The following MAGI2 variants were observed in gnomAD, a reference collection of about 807,000 sequenced individuals.
MAGI2 encodes membrane associated guanylate kinase, WW and PDZ domain containing 2.
In MAGI2, 35 loss-of-function variants were observed where a neutral mutation model predicts 133.3. That is an observed-to-expected ratio of 0.26 (90% CI 0.20 to 0.35). The LOEUF (loss-of-function observed/expected upper bound fraction) is 0.35, where lower values mean the gene tolerates loss of function less well. Ranked by LOEUF, MAGI2 falls within the 10% of genes least tolerant of loss-of-function variation. MAGI2 has a pLI of 1.00. For synonymous variants in MAGI2, 729 were observed against 710.6 expected, an observed-to-expected ratio of 1.03 and a Z score of -0.41; for missense variants, 1,636 against 1,863.4, an observed-to-expected ratio of 0.88 and a Z score of 2.25.
intron 1 of MAGI2, among the ~76,000 whole-genome samples, chr7:79,216,177 A>C (rs951721309): frequency 6.6e-6 from 1 of 151,934 alleles, no homozygotes; most frequent in African/African-American, 2.4e-5. Context: ...AAGAGATGGA[A>C]TGTCTGAATG....
intron 8 of MAGI2, among the ~76,000 whole-genome samples, chr7:78,344,259 T>C (rs1222617082): frequency 2.0e-5 from 3 of 152,124 alleles, no homozygotes; most frequent in South Asian, 4.1e-4. Context: ...AAAGGCTGTG[T>C]CAACAGGCTG....
intron 2 of MAGI2, among the ~76,000 whole-genome samples, chr7:78,815,017 C>T (rs374860195): frequency 1.3e-5 from 2 of 152,160 alleles, no homozygotes; most frequent in African/African-American, 4.8e-5. Flanking sequence ...TGAGAGCCAC[C>T]ACACCCAGCC....
rs547527446 is a variant in MAGI2, at chr7:78,382,234, G to T, written c.1046-13021C>A. 1.1e-3 allele frequency among the ~76,000 whole-genome samples: 173 copies of T among 152,058 alleles called. 1 individual carries two copies. The highest frequency in any genetic ancestry group is 2.0e-3 in the Non-Finnish European group (139 of 67,946). ...ACAGGAAGAAGAGCCACAAACTAAA[G>T]AAACTACTTAACTATAAGAGGTGGT... On this transcript the variant is annotated intron_variant, in intron 6 of 21. Transcript: ENST00000354212.
intron 10 of MAGI2, among the ~76,000 whole-genome samples, chr7:78,239,237 C>T (rs544089449): frequency 2.6e-5 from 4 of 152,252 alleles, no homozygotes; most frequent in African/African-American, 7.2e-5. Flanking sequence ...GATTATATCT[C>T]TCACCATATA....
chr7:79,000,629 T>C (rs1806764131), intron 2 of MAGI2, among the ~76,000 whole-genome samples: 1 of 152,196 alleles, frequency 6.6e-6, no homozygotes, highest in Non-Finnish European at 1.5e-5. Context: ...GGTGTGTTAG[T>C]AACTGCTATT....
intron 2 of MAGI2, among the ~76,000 whole-genome samples, chr7:78,779,532 A>G (rs777269403): frequency 1.3e-5 from 2 of 152,220 alleles, no homozygotes; most frequent in Non-Finnish European, 2.9e-5. Context: ...TAGAGACCAG[A>G]AGTTGGTACC....
intron 20 of MAGI2, among the ~76,000 whole-genome samples, chr7:78,121,038 T>C (rs1820418774): frequency 1.4e-5 from 2 of 146,474 alleles, no homozygotes; most frequent in South Asian, 2.2e-4. Flanking sequence ...TGCTGTGACA[T>C]GTGGTTATCC....
At chr7:78,213,631 G>A (rs867967316) in intron 10 of MAGI2, among the ~76,000 whole-genome samples, 1 of 152,226 alleles carries the variant, frequency 6.6e-6, no homozygotes, top group Middle Eastern at 3.4e-3. Context: ...CCAGAGTTTC[G>A]GCCAAAGGCA....
intron 2 of MAGI2, among the ~76,000 whole-genome samples, chr7:78,834,949 G>T (rs747526965): frequency 1.3e-5 from 2 of 152,108 alleles, no homozygotes; most frequent in Non-Finnish European, 2.9e-5. Context: ...AGCTCCCTGA[G>T]GCCTCCTCAG....
intron 3 of MAGI2, among the ~76,000 whole-genome samples, chr7:78,578,515 G>A (rs1802502111): frequency 6.6e-6 from 1 of 152,116 alleles, no homozygotes; most frequent in African/African-American, 2.4e-5. Flanking sequence ...AAAGGCAAAA[G>A]AGGAAGAACT....
intron 2 of MAGI2, among the ~76,000 whole-genome samples, chr7:78,937,595 C>T (rs184125400): frequency 7.2e-4 from 109 of 152,174 alleles, no homozygotes; most frequent in African/African-American, 2.4e-3. Flanking sequence ...TTAAAGTTAA[C>T]GTCACCATCA....
intron 2 of MAGI2, among the ~76,000 whole-genome samples, chr7:78,992,592 A>T (rs991663403): frequency 6.6e-6 from 1 of 151,972 alleles, no homozygotes; most frequent in African/African-American, 2.4e-5. Flanking sequence ...CCTAAAATAA[A>T]TTTTTTATTT....
intron 21 of MAGI2, among the ~76,000 whole-genome samples, chr7:78,076,546 T>A (rs1303874816): frequency 6.6e-6 from 1 of 151,096 alleles, no homozygotes; most frequent in Non-Finnish European, 1.5e-5. Flanking sequence ...TTAGGTGATG[T>A]TAAGAATTAA....
intron 3 of MAGI2, among the ~76,000 whole-genome samples, chr7:78,577,104 T>A (rs1373860873): frequency 3.9e-5 from 6 of 152,240 alleles, no homozygotes. Context: ...ACATAATAGA[T>A]TCTAAAGAAA....
intron 2 of MAGI2, among the ~76,000 whole-genome samples, chr7:78,944,652 C>T (rs2151687955): frequency 6.6e-6 from 1 of 152,114 alleles, no homozygotes; most frequent in Non-Finnish European, 1.5e-5. Context: ...TATCTTTGTA[C>T]CACCCGCCCA....
intron 2 of MAGI2, among the ~76,000 whole-genome samples, chr7:78,671,054 G>T (rs1232990665): frequency 6.6e-6 from 1 of 152,084 alleles, no homozygotes; most frequent in Non-Finnish European, 1.5e-5. Context: ...AGTGGCCATT[G>T]CGAGAAAACA....
intron 1 of MAGI2, among the ~76,000 whole-genome samples, chr7:79,306,603 AT>A (rs978757504): frequency 2.6e-5 from 4 of 151,930 alleles, no homozygotes; most frequent in South Asian, 4.2e-4. Context: ...CATGATGCAG[AT>A]TTTTTTCTTT....
At chr7:78,802,262 A>C (rs980846719) in intron 2 of MAGI2, among the ~76,000 whole-genome samples, 1 of 152,042 alleles carries the variant, frequency 6.6e-6, no homozygotes, top group Non-Finnish European at 1.5e-5. Context: ...ACTGAACACA[A>C]TTTATAACTG....
chr7:78,942,039 T>C (rs2151681944), intron 2 of MAGI2, among the ~76,000 whole-genome samples: 1 of 152,268 alleles, frequency 6.6e-6, no homozygotes, highest in Non-Finnish European at 1.5e-5. Context: ...AATTTGAAGT[T>C]ATGTTGGTGC....
Sources: allele counts gnomAD v4.1 joint callset (sites outside exome capture counted in the v4.1 genomes callset), GRCh38; gene constraint gnomAD v4.1.1; transcripts MANE v1.5; gene names NCBI Gene and HGNC (gene_info 2026-07-23, HGNC 2026-07-21).